Variants in AIMP1 observed in about 807,000 individuals in gnomAD.
AIMP1 encodes aminoacyl tRNA synthase complex-interacting multifunctional protein 1.
In AIMP1, 24 loss-of-function variants were observed where a neutral mutation model predicts 33.1. That is an observed-to-expected ratio of 0.73 (90% confidence interval 0.53 to 1.02). AIMP1 has a LOEUF of 1.02. AIMP1 is among the 50% of genes least tolerant of loss of function. AIMP1 has a pLI of 0.00. For synonymous variants in AIMP1, 120 were observed against 121.5 expected (o/e 0.99, Z 0.08); for missense variants, 367 against 364.8 (o/e 1.01, Z -0.05).
At chr4:106,327,351 A>T in intron 2 of AIMP1, 100 bp from the exon 3 acceptor site, 1 of 837,400 alleles carries the variant, frequency 1.2e-6, no homozygotes, top group Non-Finnish European at 2.0e-6. Context: ...TAGAGCTAGT[A>T]TTATCCTAGC....
intron 2 of AIMP1, among the ~76,000 whole-genome samples, chr4:106,326,547 T>C (rs1769459021): frequency 6.6e-6 from 1 of 152,174 alleles, no homozygotes; most frequent in Non-Finnish European, 1.5e-5. Flanking sequence ...AACACATACA[T>C]TATATTTTGA....
intron 1 of AIMP1, among the ~76,000 whole-genome samples, chr4:106,319,924 C>T (rs1003577694): frequency 7.2e-5 from 11 of 152,190 alleles, no homozygotes; most frequent in Non-Finnish European, 2.9e-5. Context: ...CAGCATCAGA[C>T]AGACCTGAGT....
intron 6 of AIMP1, among the ~76,000 whole-genome samples, chr4:106,337,750 T>C (rs951321895): frequency 6.6e-6 from 1 of 152,052 alleles, no homozygotes; most frequent in Non-Finnish European, 1.5e-5. Flanking sequence ...GATAGGAAAA[T>C]GTGGAACAGT....
In AIMP1 at chr4:106,322,964, A is replaced by G. The variant is rs535349643; in HGVS notation, c.-25-2021A>G. Among the ~76,000 whole-genome samples the G allele has an allele frequency of 3.6e-3, 551 of 152,104 alleles. 3 individuals carry two copies. The highest frequency in any genetic ancestry group is 0.013 in the African/African-American group (524 of 41,492). On this transcript the variant is annotated intron_variant, in intron 1 of 6. Coordinates refer to ENST00000672341, the MANE Select transcript of AIMP1 (RefSeq NM_001142416.2). ...GTGCCACTGCACCCCAGCCTGGGTG[A>G]AAAAGGAAGACTCTGTCTCAAAAAA...
Position 106,336,983 on chromosome 4 carries a change from G to A in AIMP1, c.718G>A (p.Ala240Thr), listed in dbSNP as rs755216407. Residue 240 changes from alanine (A) to threonine (T), a missense_variant, in exon 6 of 7, where the codon GCT becomes ACT. Transcript: ENST00000672341. ...ASSPEKIEIL[A>T]PPNGSVPGDR... Reference sequence around the variant, plus strand: ...TTCACCAGAGAAAATTGAAATCTTGGCTCCTCCAAATGGGTCTGTTCCTGG... The same window carrying A: ...TTCACCAGAGAAAATTGAAATCTTGACTCCTCCAAATGGGTCTGTTCCTGG... The A allele has an allele frequency of 1.2e-6, 2 of 1,614,044 alleles. No homozygotes were observed. Among genetic ancestry groups the A allele is most frequent in the Non-Finnish European group, 1.7e-6 (2 of 1,179,986 alleles).
At chr4:106,328,643 T>C (rs1769549354) in intron 4 of AIMP1, among the ~76,000 whole-genome samples, 1 of 152,218 alleles carries the variant, frequency 6.6e-6, no homozygotes, top group Non-Finnish European at 1.5e-5. Context: ...AAACAGACTG[T>C]CTGAACTAAG....
At chr4:106,331,013 T>C (rs1769653307) in intron 4 of AIMP1, among the ~76,000 whole-genome samples, 1 of 152,190 alleles carries the variant, frequency 6.6e-6, no homozygotes, top group Non-Finnish European at 1.5e-5. Flanking sequence ...CTTATCTGCT[T>C]AAATAGTTAC....
intron 1 of AIMP1, among the ~76,000 whole-genome samples, chr4:106,324,540 G>A (rs1330257118): frequency 6.6e-6 from 1 of 151,638 alleles, no homozygotes; most frequent in Non-Finnish European, 1.5e-5. Context: ...CCTAATTGAC[G>A]TTTTCTTCTT....
At chr4:106,329,496 T>C (rs1452484405) in intron 4 of AIMP1, among the ~76,000 whole-genome samples, 1 of 152,214 alleles carries the variant, frequency 6.6e-6, no homozygotes, top group Non-Finnish European at 1.5e-5. Context: ...TCTATGATAA[T>C]GGAAGTACTC....
At position 106,323,624 on chromosome 4, in the gene AIMP1, A is replaced by G. The variant is rs565336775; in HGVS notation, c.-25-1361A>G. 3.7e-3 allele frequency among the ~76,000 whole-genome samples: 558 copies of G among 151,080 alleles called. 3 individuals are homozygous for G. Among genetic ancestry groups the G allele is most frequent in the African/African-American group, 0.013 (531 of 41,348 alleles). On this transcript the variant is annotated intron_variant, in intron 1 of 6. Transcript: ENST00000672341. ...TTAAAGTAAAAAAAAAAAAAAAACT[A>G]TGCTCTTCTGAATTTTAGTATCCTG...
intron 5 of AIMP1, among the ~76,000 whole-genome samples, chr4:106,333,754 G>T (rs1323046731): frequency 6.6e-6 from 1 of 152,184 alleles, no homozygotes. Context: ...TATATTTTAT[G>T]AAGGATAACC....
intron 6 of AIMP1, among the ~76,000 whole-genome samples, chr4:106,347,195 G>C (rs1302085612): frequency 6.6e-6 from 1 of 151,858 alleles, no homozygotes; most frequent in Non-Finnish European, 1.5e-5. Context: ...TATTTGGGTG[G>C]GGACACAGAC....
At position 106,347,673 on chromosome 4, in the gene AIMP1, G is replaced by A. The variant is rs1244996713; in HGVS notation, c.920G>A (p.Ser307Asn). 5.6e-6 allele frequency: 9 copies of A among 1,613,010 alleles called. No individual in the cohort carries two copies. Among genetic ancestry groups the A allele is most frequent in the Middle Eastern group, 3.3e-4 (2 of 6,004 alleles). Residue 307 changes from serine to asparagine, a missense_variant, in exon 7 of 7, where the codon AGC becomes AAC. Ser to Asn is a conservative substitution (Grantham distance 46). Coordinates refer to ENST00000672341, the MANE Select transcript of AIMP1 (RefSeq NM_001142416.2). ...GKGVCRAQTM[S>N]NSGIK is the part of the protein sequence containing the mutation. Reference sequence around the variant, plus strand: ...GGAGTATGTAGGGCTCAAACCATGAGCAACAGTGGAATCAAATAAAATGCT... The same window carrying A: ...GGAGTATGTAGGGCTCAAACCATGAACAACAGTGGAATCAAATAAAATGCT...
Position 106,325,089 on chromosome 4 carries a change from A to C in AIMP1, c.80A>C (p.Gln27Pro), listed in dbSNP as rs1769408739. Residue 27 changes from glutamine (Q) to proline (P), a missense_variant, in exon 2 of 7, where the codon CAG becomes CCG. Physicochemically the swap from Gln to Pro is moderately conservative, Grantham distance 76. Transcript: ENST00000672341. ...GATCAAATCATTGAATATCTTAAGC[A>C]GCAAGTTTCTCTACTTAAGGAGAAA... ...EADQIIEYLK[Q>P]QVSLLKEKAI... The C allele has an allele frequency of 6.2e-7, 1 of 1,612,936 alleles. No individual in the cohort carries two copies. Among genetic ancestry groups the C allele is most frequent in the African/African-American group, 1.3e-5 (1 of 75,034 alleles).
chr4:106,333,027 C>A (rs1381610483), intron 5 of AIMP1, among the ~76,000 whole-genome samples: 1 of 151,390 alleles, frequency 6.6e-6, no homozygotes, highest in Non-Finnish European at 1.5e-5. Context: ...CCTTCCCAAC[C>A]CCCTGCTATT....
intron 3 of AIMP1, 110 bp downstream of exon 3, chr4:106,327,674 A>G: frequency 4.1e-6 from 3 of 738,116 alleles, no homozygotes; most frequent in Non-Finnish European, 4.5e-6. Flanking sequence ...GGACAACTTC[A>G]TAACTTCTAA....
At chr4:106,315,992 C>T (rs1463313966), upstream of AIMP1, 2 of 152,876 alleles carry the variant, frequency 1.3e-5, no homozygotes, top group African/African-American at 4.8e-5. Context: ...TACACAGGGC[C>T]CCAGCGCTGT....
intron 1 of AIMP1, chr4:106,321,140 G>T (rs983820517): frequency 9.2e-4 from 160 of 173,448 alleles, no homozygotes; most frequent in East Asian, 6.9e-4. Flanking sequence ...CCAAAGTGCC[G>T]AGATTGCAGC....
At position 106,328,081 on chromosome 4, in the gene AIMP1, C is replaced by G. The variant is rs1360023376; in HGVS notation, c.229C>G (p.Gln77Glu). The change falls in exon 4 of 7, where the codon CAA (glutamine) becomes GAA (glutamate). Residue 77 changes from glutamine (Q) to glutamate (E), a missense_variant. Coordinates refer to ENST00000672341, the MANE Select transcript of AIMP1 (RefSeq NM_001142416.2). ...TATTTCATTTTCTGTCTCAGTGAAGCAAATACCATTTCCATCTGGTACTCC... is the reference window on the plus strand; with the variant it reads ...TATTTCATTTTCTGTCTCAGTGAAGGAAATACCATTTCCATCTGGTACTCC... ...IQAEIQNGVK[Q>E]IPFPSGTPLH... 6.2e-7 allele frequency: 1 copy of G among 1,611,512 alleles called. No homozygotes were observed. Among genetic ancestry groups the G allele is most frequent in the South Asian group, 1.1e-5 (1 of 91,012 alleles).
Sources: allele counts gnomAD v4.1 joint callset (sites outside exome capture counted in the v4.1 genomes callset), GRCh38; gene constraint gnomAD v4.1.1; transcripts MANE v1.5; gene names NCBI Gene and HGNC (gene_info 2026-07-23, HGNC 2026-07-21).